Variants in ZNF804B observed in about 807,000 individuals in gnomAD.
ZNF804B encodes the protein zinc finger protein 804B, also known as zinc finger 804B.
A neutral mutation model predicts 101.4 loss-of-function variants in ZNF804B; 80 were observed. That is an observed-to-expected ratio of 0.79 (90% confidence interval 0.66 to 0.95). The LOEUF (loss-of-function observed/expected upper bound fraction) is 0.95, where lower values mean the gene tolerates loss of function less well. ZNF804B is among the 40% of genes least tolerant of loss of function. The pLI is 0.00. For synonymous variants in ZNF804B, 622 were observed against 558.8 expected (o/e 1.11, Z -1.59); for missense variants, 1,673 against 1,561.9 (o/e 1.07, Z -1.20).
Position 89,166,712 on chromosome 7 carries a change from C to T in ZNF804B, c.109-51443C>T, listed in dbSNP as rs895202539. Reference sequence around the variant, plus strand: ...GTTTATGGTATTGCACTAAACATGACGAAAAGTATGTGAAAAGTGGAAAGA... The same window carrying T: ...GTTTATGGTATTGCACTAAACATGATGAAAAGTATGTGAAAAGTGGAAAGA... On this transcript the variant is annotated intron_variant, in intron 1 of 3. Transcript: ENST00000333190. Among the ~76,000 whole-genome samples the T allele has an allele frequency of 3.9e-5, 6 of 152,136 alleles. No individual in the cohort carries two copies. The South Asian group carries it at 8.3e-4, about 21-fold the overall frequency.
chr7:89,269,401 T>A (rs1789848719), intron 2 of ZNF804B, among the ~76,000 whole-genome samples: 1 of 152,232 alleles, frequency 6.6e-6, no homozygotes, highest in South Asian at 2.1e-4. Context: ...ACTCATCCTT[T>A]TTTATGGCTG....
At chr7:88,988,907 G>T (rs1264435831) in intron 1 of ZNF804B, among the ~76,000 whole-genome samples, 4 of 152,190 alleles carry the variant, frequency 2.6e-5, no homozygotes, top group East Asian at 3.9e-4. Context: ...AAATCAGTGG[G>T]TTCCAACCTT....
intron 1 of ZNF804B, among the ~76,000 whole-genome samples, chr7:88,762,745 A>C (rs147383392): frequency 1.3e-5 from 2 of 150,978 alleles, no homozygotes; most frequent in African/African-American, 4.9e-5. Context: ...CCTAAAATTG[A>C]CCTTTACATC....
chr7:89,062,447 T>G (rs951036072), intron 1 of ZNF804B, among the ~76,000 whole-genome samples: 15 of 152,162 alleles, frequency 9.9e-5, no homozygotes, highest in African/African-American at 3.6e-4. Flanking sequence ...CACTCCTCTC[T>G]GCGTTTTCTT....
rs56693128 is a variant in ZNF804B at position 89,103,048 on chromosome 7, GTTTTTTTTTTTTT to G, written c.109-115084_109-115072del. 1.1e-3 allele frequency among the ~76,000 whole-genome samples: 36 copies of G among 33,750 alleles called. No homozygotes were observed. In the East Asian group the frequency reaches 0.032, roughly 30 times the overall value. 22.1% of individuals were successfully genotyped at this position (33,750 alleles called of 152,430 possible). A position where few individuals can be genotyped will look rare whatever the true frequency, so the allele number is the denominator to read the frequency against. On this transcript the variant is annotated intron_variant, in intron 1 of 3. Coordinates refer to ENST00000333190, the MANE Select transcript of ZNF804B (RefSeq NM_181646.5). ...TTCTATTCCATTGACCTATGTGTCT[GTTTTTTTTTTTTT>G]TTTTTTTTTTTTTTTTTTTTTTACC... is the stretch of plus-strand genomic sequence containing the variant.
At chr7:89,114,233 C>T (rs375334304) in intron 1 of ZNF804B, among the ~76,000 whole-genome samples, 158 of 152,200 alleles carry the variant, frequency 1.0e-3, no homozygotes, top group African/African-American at 3.4e-3. Context: ...CTCCTCTCAA[C>T]CTGAATAAAT....
At chr7:89,216,540 A>G (rs569579467) in intron 1 of ZNF804B, among the ~76,000 whole-genome samples, 1 of 152,250 alleles carries the variant, frequency 6.6e-6, no homozygotes, top group Non-Finnish European at 1.5e-5. Context: ...AATTTTTTAT[A>G]TCCTCCATTA....
chr7:88,763,559 G>GT (rs1320203227), intron 1 of ZNF804B, among the ~76,000 whole-genome samples: 1 of 140,158 alleles, frequency 7.1e-6, no homozygotes, highest in Non-Finnish European at 1.5e-5. Flanking sequence ...ATTAAAGAAA[G>GT]TAAAAAAAAA....
chr7:88,866,476 T>A (rs1351480810), intron 1 of ZNF804B, among the ~76,000 whole-genome samples: 1 of 152,184 alleles, frequency 6.6e-6, no homozygotes, highest in African/African-American at 2.4e-5. Flanking sequence ...GAGTAGTGTA[T>A]CTTCCCAATA....
intron 2 of ZNF804B, among the ~76,000 whole-genome samples, chr7:89,279,663 T>A (rs1476442720): frequency 6.6e-6 from 1 of 152,200 alleles, no homozygotes; most frequent in Non-Finnish European, 1.5e-5. Context: ...TTTATTGATT[T>A]TCATATGTTG....
chr7:89,054,795 T>C (rs1789266086), intron 1 of ZNF804B, among the ~76,000 whole-genome samples: 1 of 152,064 alleles, frequency 6.6e-6, no homozygotes, highest in African/African-American at 2.4e-5. Context: ...TCTGTCAACA[T>C]AGACCAACCC....
chr7:89,171,297 T>G (rs28723491), intron 1 of ZNF804B, among the ~76,000 whole-genome samples: 4,629 of 59,546 alleles, frequency 0.078, 165 homozygotes, highest in African/African-American at 0.11. Flanking sequence ...TGCTTCTTCT[T>G]CTTCTTCTTC....
chr7:89,225,418 A>C (rs897258213), intron 2 of ZNF804B, among the ~76,000 whole-genome samples: 1 of 152,116 alleles, frequency 6.6e-6, no homozygotes, highest in Admixed American at 6.5e-5. Context: ...TTTTGTCCTC[A>C]TACTCCACTC....
rs981045574 is a variant in ZNF804B, at chr7:89,000,533, A to G, written c.109-217622A>G. 2.0e-5 allele frequency among the ~76,000 whole-genome samples: 3 copies of G among 151,998 alleles called. No individual in the cohort carries two copies. The Admixed American group carries it at 2.0e-4, about 10-fold the overall frequency. ...TGATATACATATATTTCGTGAATTA[A>G]TCAAATTAGTTTACATGTTTTGCCT... On this transcript the variant is annotated intron_variant, in intron 1 of 3. Coordinates refer to ENST00000333190, the MANE Select transcript of ZNF804B (RefSeq NM_181646.5).
At chr7:89,293,988 G>A (rs1248993422) in intron 2 of ZNF804B, among the ~76,000 whole-genome samples, 1 of 152,052 alleles carries the variant, frequency 6.6e-6, no homozygotes, top group Non-Finnish European at 1.5e-5. Context: ...AGCTGAAATT[G>A]TCCTACCCAT....
chr7:89,095,488 T>C (rs1789958990), intron 1 of ZNF804B, among the ~76,000 whole-genome samples: 2 of 152,230 alleles, frequency 1.3e-5, no homozygotes, highest in African/African-American at 4.8e-5. Flanking sequence ...GAGCATACAT[T>C]GATAAGATAC....
intron 1 of ZNF804B, among the ~76,000 whole-genome samples, chr7:89,029,740 C>A (rs1345190618): frequency 6.6e-6 from 1 of 152,058 alleles, no homozygotes; most frequent in Non-Finnish European, 1.5e-5. Context: ...ATACAAAACA[C>A]CTCAGTAACA....
intron 1 of ZNF804B, among the ~76,000 whole-genome samples, chr7:89,050,002 ACT>A (rs898697737): frequency 1.8e-4 from 28 of 152,170 alleles, no homozygotes; most frequent in African/African-American, 5.5e-4. Context: ...GCAGAGTAAA[ACT>A]CTGTCTCAAA....
intron 1 of ZNF804B, among the ~76,000 whole-genome samples, chr7:89,209,748 TTTA>T (rs747950452): frequency 9.4e-4 from 143 of 152,326 alleles, no homozygotes; most frequent in African/African-American, 3.3e-3. Context: ...TCTCTGCCTT[TTTA>T]TTATTATTAT....
Sources: gnomAD v4.1 joint callset for allele counts (sites outside exome capture counted in the v4.1 genomes callset) on GRCh38, gnomAD v4.1.1 for gene constraint, MANE v1.5 for transcripts, NCBI Gene and HGNC (gene_info 2026-07-23, HGNC 2026-07-21) for gene names.